HTT: variants seen among roughly 807,000 people sequenced by gnomAD.
HTT encodes huntingtin, also known as huntington disease protein.
Under a neutral mutation model 362.3 loss-of-function variants are expected in HTT, and 104 were observed. The ratio of observed to expected loss-of-function variants is 0.29; its 90% CI spans 0.24 to 0.34. The LOEUF is 0.34. HTT is among the 10% of genes least tolerant of loss of function. The pLI is 1.00. For synonymous variants in HTT, 1,577 were observed against 1,548.7 expected (o/e 1.02, Z -0.43); for missense variants, 3,301 against 3,928.6 (o/e 0.84, Z 4.27).
intron 28 of HTT, 111 bp downstream of exon 28, chr4:3,157,310 G>GT: frequency 9.9e-7 from 1 of 1,006,274 alleles, no homozygotes; most frequent in Non-Finnish European, 1.5e-6. Context: ...TGAGATATGA[G>GT]TTACATTTAG....
chr4:3,122,505 T>A (rs1715341274), intron 9 of HTT, among the ~76,000 whole-genome samples: 1 of 152,228 alleles, frequency 6.6e-6, no homozygotes, highest in Non-Finnish European at 1.5e-5. Context: ...TTTCCTGTCC[T>A]TTACACGGAA....
Position 3,180,696 on chromosome 4 carries a change from C to T in HTT, c.4749+45C>T, listed in dbSNP as rs1718472591. 4 of 1,558,092 alleles carry T rather than the reference C, an allele frequency of 2.6e-6. No homozygotes were observed. The African/African-American group carries it at 4.1e-5, about 16-fold the overall frequency. On this transcript the variant is annotated intron_variant, in intron 36 of 66. Coordinates refer to ENST00000355072, the MANE Select transcript of HTT (RefSeq NM_001388492.1). ...GAACTGTCGTGGATACTTTATTGAC[C>T]CGTGCAGATGGAAGGAAGTGCCATG...
intron 64 of HTT, among the ~76,000 whole-genome samples, chr4:3,237,243 T>C (rs1721580846): frequency 6.6e-6 from 1 of 152,112 alleles, no homozygotes; most frequent in African/African-American, 2.4e-5. Flanking sequence ...CCAGCTAATT[T>C]TTGTGTTTTT....
At chr4:3,155,200 G>A (rs766144358) in intron 27 of HTT, among the ~76,000 whole-genome samples, 17 of 151,722 alleles carry the variant, frequency 1.1e-4, no homozygotes, top group Non-Finnish European at 2.2e-4. Context: ...TTATATCAAG[G>A]CTATTTATTT....
chr4:3,148,547 C>G (rs1164867729), intron 26 of HTT, among the ~76,000 whole-genome samples: 1 of 152,144 alleles, frequency 6.6e-6, no homozygotes, highest in Non-Finnish European at 1.5e-5. Context: ...CCTGTAATCC[C>G]AGCACTTTGG....
intron 8 of HTT, among the ~76,000 whole-genome samples, chr4:3,117,846 TG>T (rs1715106920): frequency 1.3e-5 from 2 of 152,050 alleles, no homozygotes; most frequent in African/African-American, 4.8e-5. Flanking sequence ...AAAACAAAAC[TG>T]CAAAACAACG....
At chr4:3,200,630 G>A (rs985587150) in intron 41 of HTT, among the ~76,000 whole-genome samples, 5 of 152,200 alleles carry the variant, frequency 3.3e-5, no homozygotes, top group African/African-American at 7.2e-5. Flanking sequence ...AGGTGCTGCC[G>A]TGCCTCTCTG....
intron 12 of HTT, among the ~76,000 whole-genome samples, chr4:3,128,064 G>T (rs1042198094): frequency 5.9e-5 from 9 of 151,988 alleles, no homozygotes; most frequent in African/African-American, 2.2e-4. Flanking sequence ...TCCTGAGTAG[G>T]TGGGATTACA....
At chr4:3,097,538 A>C (rs1480636485) in intron 2 of HTT, among the ~76,000 whole-genome samples, 1 of 152,208 alleles carries the variant, frequency 6.6e-6, no homozygotes, top group African/African-American at 2.4e-5. Flanking sequence ...AGGCTGAGGC[A>C]GGAGAATTGC....
chr4:3,107,017 G>T (rs1714465790), intron 5 of HTT, among the ~76,000 whole-genome samples: 1 of 152,146 alleles, frequency 6.6e-6, no homozygotes, highest in African/African-American at 2.4e-5. Context: ...AATTAAAAAT[G>T]AGTGTTTTAA....
In HTT at chr4:3,220,174, C is replaced by T; in HGVS notation, c.7243-8C>T. ...TCGGATGATGTCACTTCCTTTTCAT[C>T]TTCTCAGGTGTGGAAGCTTGGATGG... On this transcript the variant is annotated splice_polypyrimidine_tract_variant and splice_region_variant and intron_variant, in intron 52 of 66. Transcript: ENST00000355072. 6.2e-7 allele frequency: 1 copy of T among 1,614,086 alleles called. No individual in the cohort carries two copies. The highest frequency in any genetic ancestry group is 8.5e-7 in the Non-Finnish European group (1 of 1,179,950).
At position 3,099,308 on chromosome 4, in the gene HTT, G is replaced by A. The variant is rs1160407584; in HGVS notation, c.382G>A (p.Ala128Thr). The change falls in exon 3 of 67, where the codon GCT (alanine) becomes ACT (threonine). Residue 128 changes from alanine (A) to threonine (T), a missense_variant. This residue lies in a region of HTT where 2,316 missense variants were observed against 2,658.5 expected (regional missense o/e 0.87). Transcript: ENST00000355072. Reference protein sequence around the residue: ...SPEFQKLLGIAMELFLLCSDD... With the variant: ...SPEFQKLLGITMELFLLCSDD... ...AGAATTTCAGAAACTTCTGGGCATC[G>A]CTATGGAACTTTTTCTGCTGTGCAG... is the stretch of plus-strand genomic sequence containing the variant. The A allele has an allele frequency of 1.2e-5, 20 of 1,613,886 alleles. No homozygotes were observed. The highest frequency in any genetic ancestry group is 1.4e-5 in the Non-Finnish European group (17 of 1,179,840).
At position 3,235,626 on chromosome 4, in the gene HTT, C is replaced by T. The variant is rs1199615429; in HGVS notation, c.8633C>T (p.Ala2878Val). The change falls in exon 63 of 67, where the codon GCC becomes GTC. Residue 2878 changes from alanine to valine, a missense_variant. Coordinates refer to ENST00000355072, the MANE Select transcript of HTT (RefSeq NM_001388492.1). ...ACCCCCTCCATCATTTACCACTGTG[C>T]CCTCAGAGGCCTGGAGCGCCTCCTG... ...ESTPSIIYHC[A>V]LRGLERLLLS... 7 of 1,613,868 alleles carry T rather than the reference C, an allele frequency of 4.3e-6. No individual in the cohort carries two copies. Among genetic ancestry groups the T allele is most frequent in the South Asian group, 1.1e-5 (1 of 91,086 alleles).
chr4:3,188,106 T>C (rs1025234037), intron 39 of HTT: 4 of 471,118 alleles, frequency 8.5e-6, no homozygotes, highest in Non-Finnish European at 1.1e-5. Flanking sequence ...TTGTCCTCAG[T>C]AGAGATGCTA....
rs1180491916 is a variant in HTT, at chr4:3,182,366, T to C, written c.4762T>C (p.Phe1588Leu). 1 of 1,612,926 alleles carries C rather than the reference T, an allele frequency of 6.2e-7. No homozygotes were observed. The highest frequency in any genetic ancestry group is 8.5e-7 in the Non-Finnish European group (1 of 1,178,868). ...CACGCTCTTATAGGTGTTGGAGATG[T>C]TCATTCTTGTCCTGCAGCAGTGCCA... ...LIQYHQVLEMFILVLQQCHKE... is the reference protein window; with the variant it reads ...LIQYHQVLEMLILVLQQCHKE... The change falls in exon 37 of 67, where the codon TTC becomes CTC. Residue 1588 changes from phenylalanine to leucine, a missense_variant. Transcript: ENST00000355072.
At chr4:3,126,322 G>C (rs1034296173) in intron 11 of HTT, among the ~76,000 whole-genome samples, 6 of 152,126 alleles carry the variant, frequency 3.9e-5, no homozygotes, top group Admixed American at 6.5e-5. Context: ...CCACAGTGCC[G>C]GGATTACAGG....
rs778992599 is a variant in HTT at position 3,228,643 on chromosome 4, A to G, written c.7877A>G (p.Asn2626Ser). The G allele has an allele frequency of 1.3e-6, 2 of 1,599,868 alleles. No homozygotes were observed. The highest frequency in any genetic ancestry group is 1.7e-6 in the Non-Finnish European group (2 of 1,172,674). Residue 2626 changes from asparagine to serine, a missense_variant, in exon 58 of 67, where the codon AAC becomes AGC. Asn to Ser is a conservative substitution (Grantham distance 46). Transcript: ENST00000355072. The surrounding 1 kb of genome is among the most constrained non-coding windows in gnomAD (Gnocchi z 4.3). ...QVSIHSVWLG[N>S]SITPLREEEW... ...TCCATACACTCCGTGTGGCTGGGGA[A>G]CAGCATCACACCCCTGAGGGAGGAG...
Position 3,206,968 on chromosome 4 carries a change from G to C in HTT, c.6060G>C (p.Leu2020=). ...CTTGTCGCCGGGTAGAAATGCTTCTGGCTGCAAATTTACAGGTATTGGGAA... is the reference window on the plus strand; with the variant it reads ...CTTGTCGCCGGGTAGAAATGCTTCTCGCTGCAAATTTACAGGTATTGGGAA... ...ILACRRVEML[L]AANLQSSMAQ... The change falls in exon 44 of 67, where the codon CTG becomes CTC. Residue 2020 remains leucine (L), a synonymous_variant. Coordinates refer to ENST00000355072, the MANE Select transcript of HTT (RefSeq NM_001388492.1). The surrounding 1 kb of genome is among the most constrained non-coding windows in gnomAD (Gnocchi z 4.6). 2 of 1,608,856 alleles carry C rather than the reference G, an allele frequency of 1.2e-6. No homozygotes were observed. The highest frequency in any genetic ancestry group is 1.7e-6 in the Non-Finnish European group (2 of 1,178,406).
intron 26 of HTT, among the ~76,000 whole-genome samples, chr4:3,149,151 G>C (rs963821285): frequency 5.9e-5 from 9 of 152,208 alleles, no homozygotes; most frequent in Non-Finnish European, 1.2e-4. Flanking sequence ...GTCCTGGCTA[G>C]CATAGTTATG....
Sources: gnomAD v4.1 joint callset for allele counts (sites outside exome capture counted in the v4.1 genomes callset) on GRCh38, gnomAD v4.1.1 for gene constraint, gnomAD v4.1.1 regional missense constraint, Gnocchi (gnomAD v3.1) non-coding constraint, MANE v1.5 for transcripts, NCBI Gene and HGNC (gene_info 2026-07-23, HGNC 2026-07-21) for gene names.